KHNYN: variants seen among roughly 807,000 people sequenced by gnomAD.
KHNYN encodes protein KHNYN.
Under a neutral mutation model 62.7 loss-of-function variants are expected in KHNYN, and 42 were observed. The observed-to-expected ratio is 0.67, with a 90% CI of 0.52 to 0.87. The LOEUF is 0.87. KHNYN is among the 40% of genes least tolerant of loss of function. The pLI is 0.00. For missense variants in KHNYN, 829 were observed against 874.1 expected (o/e 0.95, Z 0.65); for synonymous variants, 347 against 345.6 (o/e 1.00, Z -0.04).
intron 5 of KHNYN, among the ~76,000 whole-genome samples, chr14:24,435,101 G>T (rs1425170186): frequency 6.7e-6 from 1 of 149,632 alleles, no homozygotes; most frequent in Non-Finnish European, 1.5e-5. Context: ...TGTGGAATCA[G>T]AATTACTGAA....
upstream of KHNYN, chr14:24,429,824 A>T: frequency 9.5e-7 from 1 of 1,056,642 alleles, no homozygotes. Flanking sequence ...CGAGCCCTGG[A>T]GCCGCCGAGG....
chr14:24,429,605 C>T (rs543846080), upstream of KHNYN: 246 of 936,822 alleles, frequency 2.6e-4, 1 homozygote, highest in Admixed American at 3.3e-4. Context: ...CTCCCGCCTA[C>T]CCCCTCCGCC....
rs780257203 is a variant in KHNYN at position 24,431,956 on chromosome 14, G to C, written c.695G>C (p.Arg232Thr). Residue 232 changes from arginine (R) to threonine (T), a missense_variant, in exon 3 of 8, where the codon AGG becomes ACG. Transcript: ENST00000553935. ...GTGAGAGCTCCCCCTAGTGACGGCA[G>C]GGAGTCCCTGGACACTGGATCTATG... Reference protein sequence around the residue: ...QGVRAPPSDGRESLDTGSMGP... With the variant: ...QGVRAPPSDGTESLDTGSMGP... The C allele has an allele frequency of 5.0e-6, 8 of 1,613,280 alleles. No individual in the cohort carries two copies. Among genetic ancestry groups the C allele is most frequent in the Non-Finnish European group, 6.8e-6 (8 of 1,179,448 alleles).
At chr14:24,425,046 A>C (rs548529063), upstream of KHNYN, among the ~76,000 whole-genome samples, 1 of 152,236 alleles carries the variant, frequency 6.6e-6, no homozygotes, top group South Asian at 2.1e-4. Context: ...CTAAAAATAC[A>C]AAAAATTAGC....
rs756978115 is a variant in KHNYN, at chr14:24,437,056, C to T, written c.1808C>T (p.Ala603Val). The change falls in exon 8 of 8, where the codon GCT (alanine) becomes GTT (valine). Residue 603 changes from alanine (A) to valine (V), a missense_variant. By Grantham distance (64) the Ala-to-Val change is moderately conservative (BLOSUM62 0). Transcript: ENST00000553935. This position sits in a 1 kb window ranked among gnomAD's most constrained non-coding sequence, Gnocchi z 5.5. ...CCCAGGACACAGGGGTCTTCTAAGG[C>T]TCAGCATCCTTCCAGGGGCTTTGCA... is the stretch of plus-strand genomic sequence containing the variant. ...KPARTQGSSK[A>V]QHPSRGFAEH... 1.9e-5 allele frequency: 31 copies of T among 1,614,012 alleles called. No individual in the cohort carries two copies. The highest frequency in any genetic ancestry group is 2.6e-5 in the Non-Finnish European group (31 of 1,179,994).
intron 1 of KHNYN, chr14:24,430,353 G>A: frequency 1.2e-6 from 1 of 868,034 alleles, no homozygotes; most frequent in Non-Finnish European, 1.4e-6. Context: ...GGACAGCCTA[G>A]TTCAATCCCC....
intron 6 of KHNYN, 93 bp from the exon 7 acceptor site, chr14:24,436,295 T>C: frequency 1.4e-6 from 2 of 1,424,556 alleles, no homozygotes; most frequent in East Asian, 2.3e-5. Context: ...TCTTGAAGGA[T>C]GGAGCCAGCA....
In KHNYN at chr14:24,439,587, C is replaced by G. The variant is rs2043262177; in HGVS notation, c.*2302C>G. 1 of 153,502 alleles carries G rather than the reference C, an allele frequency of 6.5e-6. No homozygotes were observed. Among genetic ancestry groups the G allele is most frequent in the Non-Finnish European group, 1.5e-5 (1 of 68,904 alleles). The allele number at this position is 153,502 out of a possible 1,614,324, so 9.5% of individuals were successfully genotyped here. ...CTTCTAGTGTCTATCTTTATCATAA[C>G]CTGATGTCCCAAACTTGTGACAAGT... On this transcript the variant is annotated 3_prime_UTR_variant, in exon 8 of 8. Transcript: ENST00000553935.
intron 1 of KHNYN, chr14:24,430,330 C>T: frequency 2.8e-6 from 2 of 715,584 alleles, no homozygotes; most frequent in Non-Finnish European, 3.4e-6. Flanking sequence ...AATGGCAGAC[C>T]AGGGCCCCCA....
chr14:24,424,457 T>C (rs2043001554), upstream of KHNYN, among the ~76,000 whole-genome samples: 1 of 152,250 alleles, frequency 6.6e-6, no homozygotes, highest in Admixed American at 6.5e-5. Context: ...GATATGCAGA[T>C]GTCCTGAAGA....
chr14:24,436,056 G>A lies in KHNYN; in HGVS notation c.1578-16G>A. On this transcript the variant is annotated splice_polypyrimidine_tract_variant and intron_variant, in intron 5 of 7. Coordinates refer to ENST00000553935, the MANE Select transcript of KHNYN (RefSeq NM_015299.3). ...ATTTTTCAACCCTCTCTCGGTTGCT[G>A]TGGTTTTGGAGACAGGTTCATGGTG... The A allele has an allele frequency of 6.2e-7, 1 of 1,604,622 alleles. No homozygotes were observed.
At position 24,437,106 on chromosome 14, in the gene KHNYN, A is replaced by G; in HGVS notation, c.1858A>G (p.Arg620Gly). ...AGAACATGGTAAACAGCAGCAGGGG[A>G]GAGAAGAGGAAAAAGGTAGTGGTGG... The part of the protein sequence containing the change: ...FAEHGKQQQG[R>G]EEEKGSGGIR... Residue 620 changes from arginine to glycine, a missense_variant, in exon 8 of 8, where the codon AGA (arginine) becomes GGA (glycine). Coordinates refer to ENST00000553935, the MANE Select transcript of KHNYN (RefSeq NM_015299.3). This position sits in a 1 kb window ranked among gnomAD's most constrained non-coding sequence, Gnocchi z 5.5. 6.2e-7 allele frequency: 1 copy of G among 1,614,120 alleles called. No individual in the cohort carries two copies. Among genetic ancestry groups the G allele is most frequent in the South Asian group, 1.1e-5 (1 of 91,080 alleles).
upstream of KHNYN, chr14:24,429,674 C>T: frequency 4.5e-6 from 5 of 1,116,532 alleles, no homozygotes; most frequent in Non-Finnish European, 5.5e-6. Context: ...GTCACGCTGC[C>T]TCTTTGGTCG....
At chr14:24,428,693 C>A (rs906741953), upstream of KHNYN, 10 of 1,501,210 alleles carry the variant, frequency 6.7e-6, 1 homozygote, top group South Asian at 1.2e-4. Flanking sequence ...TGGGCTTGGA[C>A]AGTTGCTTCC....
chr14:24,428,279 A>G (rs754982424), upstream of KHNYN: 1 of 1,613,444 alleles, frequency 6.2e-7, no homozygotes, highest in Admixed American at 1.7e-5. Context: ...GCCAGTGCTG[A>G]GGTCACCTGG....
chr14:24,432,786 C>T lies in KHNYN; in HGVS notation c.1414C>T (p.Arg472Cys), dbSNP rs757685904. 14 of 1,614,196 alleles carry T rather than the reference C, an allele frequency of 8.7e-6. No homozygotes were observed. Among genetic ancestry groups the T allele is most frequent in the South Asian group, 3.3e-5 (3 of 91,076 alleles). Reference sequence around the variant, plus strand: ...CATTGCTGTGCAGTACTTCTGGGACCGTGGTCACCGTGACATAACTGTCTT... The same window carrying T: ...CATTGCTGTGCAGTACTTCTGGGACTGTGGTCACCGTGACATAACTGTCTT... ...IAIAVQYFWD[R>C]GHRDITVFVP... The change falls in exon 4 of 8, where the codon CGT becomes TGT. Residue 472 changes from arginine (R) to cysteine (C), a missense_variant. This residue lies in a region of KHNYN where 270 missense variants were observed against 347.1 expected (regional missense o/e 0.78). Coordinates refer to ENST00000553935, the MANE Select transcript of KHNYN (RefSeq NM_015299.3). This position sits in a 1 kb window ranked among gnomAD's most constrained non-coding sequence, Gnocchi z 5.6.
chr14:24,441,764 C>CCA lies in KHNYN; in HGVS notation c.*4479_*4480insCA. ...AATTGGGTGGTCTCTAGGCGGCTGCCGATTACCTCTTTTTGGAAGGTTTCA... is the reference window on the plus strand; with the variant it reads ...AATTGGGTGGTCTCTAGGCGGCTGCCCAGATTACCTCTTTTTGGAAGGTTTCA... On this transcript the variant is annotated 3_prime_UTR_variant, in exon 8 of 8. Transcript: ENST00000553935. 6.2e-7 allele frequency: 1 copy of CCA among 1,603,770 alleles called. No individual in the cohort carries two copies. The highest frequency in any genetic ancestry group is 8.5e-7 in the Non-Finnish European group (1 of 1,176,994).
chr14:24,429,690 A>G (rs777019460), upstream of KHNYN: 24 of 985,284 alleles, frequency 2.4e-5, no homozygotes, highest in African/African-American at 1.2e-4. Context: ...GGTCGGCCAC[A>G]TCTTTATTCG....
chr14:24,430,579 A>T, intron 1 of KHNYN, 135 bp from the exon 2 acceptor site: 2 of 1,439,176 alleles, frequency 1.4e-6, no homozygotes, highest in Non-Finnish European at 1.8e-6. Context: ...CAGTGGACTC[A>T]GATGCTTGTC....
Sources: allele counts gnomAD v4.1 joint callset (sites outside exome capture counted in the v4.1 genomes callset), GRCh38; gene constraint gnomAD v4.1.1; regional missense constraint gnomAD v4.1.1; non-coding constraint Gnocchi (gnomAD v3.1); transcripts MANE v1.5; gene names NCBI Gene and HGNC (gene_info 2026-07-23, HGNC 2026-07-21).